NTS: variants seen among roughly 807,000 people sequenced by gnomAD.
The protein encoded by NTS is neurotensin/neuromedin N.
NTS carries 20 observed loss-of-function variants against 19.5 expected under a neutral mutation model. That is an observed-to-expected ratio of 1.02 (90% CI 0.72 to 1.49). The LOEUF is 1.49. Ranked by LOEUF, NTS falls within the 40% of genes most tolerant of loss-of-function variation. The probability of loss-of-function intolerance (pLI) is 0.00; values close to 1 mark genes in which losing one functional copy is unlikely to be tolerated. For synonymous variants in NTS, 71 were observed against 63.3 expected (o/e 1.12, Z -0.58); for missense variants, 215 against 193.1 (o/e 1.11, Z -0.67).
intron 3 of NTS, among the ~76,000 whole-genome samples, chr12:85,880,490 T>C (rs1299733961): frequency 6.6e-6 from 1 of 152,046 alleles, no homozygotes; most frequent in Non-Finnish European, 1.5e-5. Flanking sequence ...AAACTTGCGA[T>C]TGACTACCAA....
intron 2 of NTS, among the ~76,000 whole-genome samples, chr12:85,877,559 G>A (rs976004972): frequency 1.3e-5 from 2 of 151,872 alleles, no homozygotes; most frequent in Non-Finnish European, 2.9e-5. Context: ...TGTTAGATAG[G>A]CAAACATATG....
At chr12:85,878,671 T>G in intron 3 of NTS, 102 bp downstream of exon 3, 1 of 656,288 alleles carries the variant, frequency 1.5e-6, no homozygotes, top group Non-Finnish European at 2.3e-6. Context: ...CAAGAAGAGT[T>G]ACAAGTATTG....
Position 85,882,450 on chromosome 12 carries a change from A to C in NTS, c.*75A>C. On this transcript the variant is annotated 3_prime_UTR_variant, in exon 4 of 4. Transcript: ENST00000256010. ...TAAATATCAAATTATATTTGTGTGA[A>C]AATGTGACAAACACACTTATCTGTC... 1 of 1,174,702 alleles carries C rather than the reference A, an allele frequency of 8.5e-7. No individual in the cohort carries two copies. The highest frequency in any genetic ancestry group is 1.2e-6 in the Non-Finnish European group (1 of 839,782). The allele number at this position is 1,174,702 out of a possible 1,614,324, so 72.8% of individuals were successfully genotyped here. A position where few individuals can be genotyped will look rare whatever the true frequency, so the allele number is the denominator to read the frequency against.
chr12:85,882,092 TTCA>T, intron 3 of NTS, 128 bp from the exon 4 acceptor site: 2 of 674,660 alleles, frequency 3.0e-6, no homozygotes, highest in South Asian at 4.0e-5. Context: ...TTCTTTGAAC[TTCA>T]TGTATCTCGT....
At chr12:85,880,330 C>A (rs1592551024) in intron 3 of NTS, among the ~76,000 whole-genome samples, 1 of 152,112 alleles carries the variant, frequency 6.6e-6, no homozygotes. Flanking sequence ...AAAATAAATT[C>A]TTTAACAAAA....
In NTS at chr12:85,882,240, T is replaced by C. The variant is rs777349326; in HGVS notation, c.378T>C (p.Ile126=). The part of the protein sequence containing the change: ...FQHWELIQED[I]LDTGNDKNGK... The stretch of plus-strand genomic sequence containing the variant: ...TCTTGCAGTTAATCCAGGAAGATAT[T>C]CTTGATACTGGAAATGACAAAAATG... Residue 126 remains isoleucine (I), a synonymous_variant, in exon 4 of 4, where the codon ATT becomes ATC. Transcript: ENST00000256010. 10 of 1,598,334 alleles carry C rather than the reference T, an allele frequency of 6.3e-6. No individual in the cohort carries two copies. Among genetic ancestry groups the C allele is most frequent in the Non-Finnish European group, 8.5e-6 (10 of 1,173,342 alleles).
intron 1 of NTS, among the ~76,000 whole-genome samples, chr12:85,875,070 T>C (rs1881309413): frequency 6.6e-6 from 1 of 152,210 alleles, no homozygotes; most frequent in Non-Finnish European, 1.5e-5. Flanking sequence ...CTAATAAGTG[T>C]GCTATTAATA....
At chr12:85,881,029 G>A (rs1259404017) in intron 3 of NTS, among the ~76,000 whole-genome samples, 1 of 152,080 alleles carries the variant, frequency 6.6e-6, no homozygotes, top group East Asian at 1.9e-4. Flanking sequence ...TCCATTATAT[G>A]TTATTTATCC....
intron 3 of NTS, among the ~76,000 whole-genome samples, chr12:85,881,766 A>G (rs868338047): frequency 1.3e-5 from 2 of 152,172 alleles, no homozygotes; most frequent in African/African-American, 4.8e-5. Flanking sequence ...ATTGAATATA[A>G]CATTTTGTTA....
chr12:85,878,931 A>C (rs1881409541), intron 3 of NTS, among the ~76,000 whole-genome samples: 1 of 151,896 alleles, frequency 6.6e-6, no homozygotes, highest in Non-Finnish European at 1.5e-5. Context: ...ACACAAAGTC[A>C]TATGTAGTGA....
At chr12:85,876,019 T>A (rs983096417) in intron 1 of NTS, among the ~76,000 whole-genome samples, 5 of 152,030 alleles carry the variant, frequency 3.3e-5, no homozygotes, top group African/African-American at 1.2e-4. Context: ...ACATGTGTTG[T>A]TGAACAGCTC....
At chr12:85,879,046 AT>A (rs904408877) in intron 3 of NTS, among the ~76,000 whole-genome samples, 5 of 136,080 alleles carry the variant, frequency 3.7e-5, no homozygotes, top group African/African-American at 1.3e-4. Context: ...TTTTATGTAC[AT>A]AAAATATATT....
chr12:85,879,323 AATG>A (rs1565770811), intron 3 of NTS, among the ~76,000 whole-genome samples: 10 of 104 alleles, frequency 0.096, 5 homozygotes, highest in Middle Eastern at 1. Context: ...AAATATATTT[AATG>A]TATATTTTAT....
intron 3 of NTS, among the ~76,000 whole-genome samples, chr12:85,879,075 G>A (rs1168385451): frequency 1.4e-5 from 2 of 139,710 alleles, no homozygotes; most frequent in East Asian, 2.1e-4. Context: ...ATATTTTAAT[G>A]TACATAAAAT....
At chr12:85,877,404 T>C (rs1881371267) in intron 2 of NTS, among the ~76,000 whole-genome samples, 1 of 142,834 alleles carries the variant, frequency 7.0e-6, no homozygotes, top group African/African-American at 2.8e-5. Flanking sequence ...ACATGTTCTT[T>C]TTTTTTTTTT....
Position 85,876,818 on chromosome 12 carries a change from G to A in NTS, c.135+117G>A. The A allele has an allele frequency of 5.8e-6, 3 of 519,984 alleles. No individual in the cohort carries two copies. In the South Asian group the frequency reaches 1.8e-4, roughly 31 times the overall value. The allele number at this position is 519,984 out of a possible 1,614,324, so 32.2% of individuals were successfully genotyped here. ...TCAAGATTGAAAAGTTCCTTGAGAG[G>A]CATTTCCTTTTTGAAAAAAAAAATT... is the stretch of plus-strand genomic sequence containing the variant. On this transcript the variant is annotated intron_variant, in intron 2 of 3. Coordinates refer to ENST00000256010, the MANE Select transcript of NTS (RefSeq NM_006183.5).
In NTS at chr12:85,878,468, AG is replaced by A; in HGVS notation, c.261del (p.Lys88AsnfsTer6). 6.2e-7 allele frequency: 1 copy of A among 1,613,974 alleles called. No individual in the cohort carries two copies. Among genetic ancestry groups the A allele is most frequent in the South Asian group, 1.1e-5 (1 of 91,070 alleles). ...TCATGAAGAGGAGCTTGTTGCAAGA[AG>A]GAAACTTCCTACTGCTTTAGATGGC... ...EVHEEELVAR[R>X]KLPTALDGFS... On this transcript the variant is annotated frameshift_variant, in exon 3 of 4. Transcript: ENST00000256010. LOFTEE classifies it high-confidence loss of function.
At position 85,878,358 on chromosome 12, in the gene NTS, A is replaced by G. The variant is rs779179865; in HGVS notation, c.149A>G (p.His50Arg). ...AATATATTTCAGATTAGTAAAGCACATGTTCCCTCTTGGAAGATGACTCTG... is the reference window on the plus strand; with the variant it reads ...AATATATTTCAGATTAGTAAAGCACGTGTTCCCTCTTGGAAGATGACTCTG... ...NMHTSKISKA[H>R]VPSWKMTLLN... is the part of the protein sequence containing the mutation. The change falls in exon 3 of 4, where the codon CAT (histidine) becomes CGT (arginine). Residue 50 changes from histidine to arginine, a missense_variant. His to Arg is a conservative substitution (Grantham distance 29, BLOSUM62 0). Coordinates refer to ENST00000256010, the MANE Select transcript of NTS (RefSeq NM_006183.5). The G allele has an allele frequency of 3.7e-6, 6 of 1,603,480 alleles. No homozygotes were observed. Among genetic ancestry groups the G allele is most frequent in the South Asian group, 3.4e-5 (3 of 89,192 alleles).
Position 85,879,346 on chromosome 12 carries a change from ATG to A in NTS, c.360+779_360+780del, listed in dbSNP as rs1255486831. On this transcript the variant is annotated intron_variant, in intron 3 of 3. Coordinates refer to ENST00000256010, the MANE Select transcript of NTS (RefSeq NM_006183.5). ...TTAATGTATATTTTATGTATATTTT[ATG>A]TATATAAAACATATTTTATGTATAT... 2.9e-4 allele frequency among the ~76,000 whole-genome samples: 27 copies of A among 94,478 alleles called. 12 individuals carry two copies. Among genetic ancestry groups the A allele is most frequent in the Admixed American group, 5.0e-4 (4 of 8,010 alleles). The allele number at this position is 94,478 out of a possible 152,430, so 62.0% of individuals were successfully genotyped here.
Sources: allele counts gnomAD v4.1 joint callset (sites outside exome capture counted in the v4.1 genomes callset), GRCh38; gene constraint gnomAD v4.1.1; transcripts MANE v1.5; gene names NCBI Gene and HGNC (gene_info 2026-07-23, HGNC 2026-07-21).